The following APLP2 variants were observed in gnomAD, a reference collection of about 807,000 sequenced individuals.
APLP2 encodes the protein amyloid beta precursor like protein 2.
APLP2 carries 53 observed loss-of-function variants against 89.9 expected under a neutral mutation model. The observed-to-expected ratio is 0.59, with a 90% CI of 0.47 to 0.74. The LOEUF is 0.74. Among genes scored for constraint, APLP2 ranks in the 30% least tolerant of loss-of-function variants. The pLI is 0.00. For missense variants in APLP2, 973 were observed against 975.9 expected, an observed-to-expected ratio of 1.00 and a Z score of 0.04; for synonymous variants, 372 against 348.6, an observed-to-expected ratio of 1.07 and a Z score of -0.75.
At chr11:130,079,917 T>C (rs1942876615) in intron 1 of APLP2, among the ~76,000 whole-genome samples, 1 of 152,208 alleles carries the variant, frequency 6.6e-6, no homozygotes, top group African/African-American at 2.4e-5. Context: ...TGCCAAAGAT[T>C]CTTGTCATGA....
intron 1 of APLP2, among the ~76,000 whole-genome samples, chr11:130,097,017 G>T (rs1946295719): frequency 6.6e-6 from 1 of 152,162 alleles, no homozygotes; most frequent in African/African-American, 2.4e-5. Flanking sequence ...AAGAATTATT[G>T]TCTGCAAGCA....
chr11:130,129,942 C>CT, intron 10 of APLP2, 96 bp from the exon 11 acceptor site: 1 of 1,399,906 alleles, frequency 7.1e-7, no homozygotes, highest in East Asian at 2.3e-5. Context: ...CCTAGCTGAG[C>CT]TTTACATTCT....
At chr11:130,115,259 G>A (rs1031567348) in intron 3 of APLP2, among the ~76,000 whole-genome samples, 3 of 151,962 alleles carry the variant, frequency 2.0e-5, no homozygotes, top group African/African-American at 7.3e-5. Flanking sequence ...CTGTATTTAT[G>A]GAGTACACGA....
rs1004514282 is a variant in APLP2 at position 130,141,294 on chromosome 11, A to G, written c.1924-204A>G. ...TGCATACGGGACCAGCTGCCATAAT[A>G]TAGTCTTCCCTCCATACCTGCCCCT... On this transcript the variant is annotated intron_variant, in intron 14 of 16. Coordinates refer to ENST00000338167, the MANE Select transcript of APLP2 (RefSeq NM_001142276.2). This position sits in a 1 kb window ranked among gnomAD's most constrained non-coding sequence, Gnocchi z 4.2. 14 of 574,870 alleles carry G rather than the reference A, an allele frequency of 2.4e-5. No individual in the cohort carries two copies. The highest frequency in any genetic ancestry group is 3.4e-5 in the Non-Finnish European group (11 of 322,094). 35.6% of individuals were successfully genotyped at this position (574,870 alleles called of 1,614,324 possible).
intron 1 of APLP2, among the ~76,000 whole-genome samples, chr11:130,081,650 A>T (rs1943174454): frequency 6.6e-6 from 1 of 152,218 alleles, no homozygotes; most frequent in Admixed American, 6.5e-5. Flanking sequence ...ACTGGAAGTA[A>T]TTGGGATCTG....
intron 11 of APLP2, among the ~76,000 whole-genome samples, chr11:130,131,565 T>C (rs1291241797): frequency 6.6e-6 from 1 of 152,208 alleles, no homozygotes; most frequent in Non-Finnish European, 1.5e-5. Flanking sequence ...TGCTTCACGC[T>C]GGATGTAGCA....
In APLP2 at chr11:130,123,925, T is replaced by C; in HGVS notation, c.1090+146T>C. 1 of 875,344 alleles carries C rather than the reference T, an allele frequency of 1.1e-6. No homozygotes were observed. The highest frequency in any genetic ancestry group is 1.8e-6 in the Non-Finnish European group (1 of 567,442). 54.2% of individuals were successfully genotyped at this position (875,344 alleles called of 1,614,324 possible). On this transcript the variant is annotated intron_variant, in intron 7 of 16. Transcript: ENST00000338167. This position sits in a 1 kb window ranked among gnomAD's most constrained non-coding sequence, Gnocchi z 4.0. ...TCGTCTTCCCCTCATCTTTGTGCTTTCTAGATCTAGGCTTTGCTCTCCTGC... is the reference window on the plus strand; with the variant it reads ...TCGTCTTCCCCTCATCTTTGTGCTTCCTAGATCTAGGCTTTGCTCTCCTGC...
chr11:130,138,386 A>G (rs934156551), intron 13 of APLP2, among the ~76,000 whole-genome samples: 7 of 152,164 alleles, frequency 4.6e-5, no homozygotes, highest in Admixed American at 4.6e-4. Flanking sequence ...CATTCCTTTC[A>G]ACAGCACAAC....
In APLP2 at chr11:130,130,045, G is replaced by T. The variant is rs144823565; in HGVS notation, c.1463G>T (p.Arg488Leu). 4 of 1,613,748 alleles carry T rather than the reference G, an allele frequency of 2.5e-6. No homozygotes were observed. The highest frequency in any genetic ancestry group is 1.6e-4 in the Middle Eastern group (1 of 6,082). The change falls in exon 11 of 17, where the codon CGC becomes CTC. Residue 488 changes from arginine (R) to leucine (L), a missense_variant. Transcript: ENST00000338167. Reference protein sequence around the residue: ...ALQSDPPRPHRILQALRRYVR... With the variant: ...ALQSDPPRPHLILQALRRYVR... ...AACTGTTCTCTCTTGCAGCCTCATC[G>T]CATTCTCCAGGCCTTACGGCGTTAT...
In APLP2 at chr11:130,122,163, C is replaced by T. The variant is rs1368934470; in HGVS notation, c.714-142C>T. ...TCCCGTTTGCTGATGTAGCTGGGCC[C>T]CAGGGCTTAGTGGCACGGTGAAATG... On this transcript the variant is annotated intron_variant, in intron 5 of 16. Transcript: ENST00000338167. The T allele has an allele frequency of 8.0e-6, 8 of 1,006,212 alleles. No homozygotes were observed. In the East Asian group the frequency reaches 1.7e-4, roughly 21 times the overall value. The allele number at this position is 1,006,212 out of a possible 1,614,324, so 62.3% of individuals were successfully genotyped here.
intron 3 of APLP2, among the ~76,000 whole-genome samples, chr11:130,117,942 T>C (rs61913745): frequency 0.023 from 3,554 of 152,176 alleles, 43 homozygotes; most frequent in Non-Finnish European, 0.037. Context: ...ACGGGCGTGG[T>C]GGCACGTGCC....
At position 130,123,478 on chromosome 11, in the gene APLP2, G is replaced by A. The variant is rs1950047228; in HGVS notation, c.923-134G>A. On this transcript the variant is annotated intron_variant, in intron 6 of 16. Transcript: ENST00000338167. The surrounding 1 kb of genome is among the most constrained non-coding windows in gnomAD (Gnocchi z 4.0). ...AAGGCTGGCCTGAGCTGGAGCTTTC[G>A]GCCACCGGGCCTCCAGGCTCCGTCC... 1.1e-6 allele frequency: 1 copy of A among 924,018 alleles called. No individual in the cohort carries two copies. Among genetic ancestry groups the A allele is most frequent in the Non-Finnish European group, 1.6e-6 (1 of 629,076 alleles). 57.2% of individuals were successfully genotyped at this position (924,018 alleles called of 1,614,324 possible).
At chr11:130,077,955 C>G (rs911624798) in intron 1 of APLP2, among the ~76,000 whole-genome samples, 2 of 151,078 alleles carry the variant, frequency 1.3e-5, no homozygotes, top group Admixed American at 6.6e-5. Context: ...TAAAAGTACA[C>G]AAAAGAAAAA....
intron 16 of APLP2, among the ~76,000 whole-genome samples, chr11:130,142,993 C>G (rs529562008): frequency 6.6e-6 from 1 of 152,252 alleles, no homozygotes; most frequent in East Asian, 1.9e-4. Context: ...ATCCCCTGGT[C>G]CCACCGTCTG....
At chr11:130,128,906 G>A (rs1258663613) in intron 9 of APLP2, 142 bp from the exon 10 acceptor site, 3 of 831,786 alleles carry the variant, frequency 3.6e-6, no homozygotes, top group African/African-American at 1.7e-5. Flanking sequence ...AGTAGACTTT[G>A]GATCTTACCC....
In APLP2 at chr11:130,129,133, A is replaced by G. The variant is rs1950663070; in HGVS notation, c.1382A>G (p.Glu461Gly). The change falls in exon 10 of 17, where the codon GAA becomes GGA. Residue 461 changes from glutamate to glycine, a missense_variant. Transcript: ENST00000338167. ...QLVETHLARV[E>G]AMLNDRRRMA... ...GTGGAGACCCACCTGGCCCGAGTGG[A>G]AGCTATGCTGAATGACCGCCGTCGG... The G allele has an allele frequency of 6.2e-7, 1 of 1,614,226 alleles. No individual in the cohort carries two copies. Among genetic ancestry groups the G allele is most frequent in the African/African-American group, 1.3e-5 (1 of 75,064 alleles).
In APLP2 at chr11:130,121,763, G is replaced by A. The variant is rs76279939; in HGVS notation, c.666G>A (p.Glu222=). Residue 222 remains glutamate (E), a synonymous_variant, in exon 5 of 17, where the codon GAG becomes GAA. Coordinates refer to ENST00000338167, the MANE Select transcript of APLP2 (RefSeq NM_001142276.2). ...AAGAAGAGGAAGAGGAAGATGAAGAGGAAGAGGAAGAGGAAGATGAAGAGG... is the reference window on the plus strand; with the variant it reads ...AAGAAGAGGAAGAGGAAGATGAAGAAGAAGAGGAAGAGGAAGATGAAGAGG... ...VSKEEEEEDE[E]EEEEEDEEED... is the part of the protein sequence containing the mutation. The A allele has an allele frequency of 7.5e-7, 1 of 1,330,534 alleles. No individual in the cohort carries two copies. The highest frequency in any genetic ancestry group is 1.0e-6 in the Non-Finnish European group (1 of 968,336). 82.4% of individuals were successfully genotyped at this position (1,330,534 alleles called of 1,614,324 possible).
intron 13 of APLP2, chr11:130,137,171 T>C: frequency 8.2e-7 from 1 of 1,213,318 alleles, no homozygotes; most frequent in Non-Finnish European, 1.2e-6. Flanking sequence ...AATTCTAAGA[T>C]AGAAATTTTA....
At chr11:130,077,694 CTT>C (rs979928037) in intron 1 of APLP2, among the ~76,000 whole-genome samples, 7 of 151,770 alleles carry the variant, frequency 4.6e-5, no homozygotes, top group Admixed American at 1.3e-4. Context: ...AGAAGTAACT[CTT>C]GAGTTAGGAA....
Sources: allele counts gnomAD v4.1 joint callset (sites outside exome capture counted in the v4.1 genomes callset), GRCh38; gene constraint gnomAD v4.1.1; non-coding constraint Gnocchi (gnomAD v3.1); transcripts MANE v1.5; gene names NCBI Gene and HGNC (gene_info 2026-07-23, HGNC 2026-07-21).